WDPCP: variants seen among roughly 807,000 people sequenced by gnomAD.
WDPCP encodes WD repeat-containing and planar cell polarity effector protein fritz homolog.
WDPCP carries 71 observed loss-of-function variants against 93.1 expected under a neutral mutation model. The observed-to-expected ratio is 0.76, with a 90% confidence interval of 0.63 to 0.93. WDPCP has a LOEUF of 0.93. Ranked by LOEUF, WDPCP falls within the 40% of genes least tolerant of loss-of-function variation. The pLI, the probability that WDPCP is intolerant of heterozygous loss-of-function variation, is 0.00. For synonymous variants in WDPCP, 315 were observed against 315.0 expected (o/e 1.00, Z 0.00); for missense variants, 844 against 887.4 (o/e 0.95, Z 0.62).
intron 1 of WDPCP, among the ~76,000 whole-genome samples, chr2:63,498,874 G>T (rs1426015839): frequency 1.3e-5 from 2 of 152,216 alleles, no homozygotes; most frequent in African/African-American, 4.8e-5. Context: ...TAACATGGAG[G>T]TATATGAGCA....
At chr2:63,362,950 CTAT>C (rs1281760318) in intron 12 of WDPCP, among the ~76,000 whole-genome samples, 1 of 152,040 alleles carries the variant, frequency 6.6e-6, no homozygotes, top group African/African-American at 2.4e-5. Flanking sequence ...AATTTTAGTA[CTAT>C]TATTCATTTG....
At chr2:63,354,631 C>A (rs966179191) in intron 12 of WDPCP, among the ~76,000 whole-genome samples, 1 of 152,052 alleles carries the variant, frequency 6.6e-6, no homozygotes, top group African/African-American at 2.4e-5. Flanking sequence ...TACACATACA[C>A]CCACACCCCC....
intron 2 of WDPCP, among the ~76,000 whole-genome samples, chr2:63,666,593 C>G (rs1575742491): frequency 6.6e-6 from 1 of 152,328 alleles, no homozygotes; most frequent in Non-Finnish European, 1.5e-5. Flanking sequence ...AGGCTGCAAA[C>G]AGTTTAGTCC....
chr2:63,691,131 G>A (rs556215888), intron 2 of WDPCP, among the ~76,000 whole-genome samples: 2 of 152,258 alleles, frequency 1.3e-5, no homozygotes, highest in South Asian at 2.1e-4. Flanking sequence ...GGCACCCTTA[G>A]CATCCAGCTT....
At chr2:63,622,418 A>G (rs1203229791) in intron 3 of WDPCP, 39 of 1,613,622 alleles carry the variant, frequency 2.4e-5, no homozygotes, top group Non-Finnish European at 3.3e-5. Flanking sequence ...CTCTGGAGAC[A>G]CCAAATAAGC....
Position 63,368,297 on chromosome 2 carries a change from A to ATTT in WDPCP, c.1748+10088_1748+10089insAAA, listed in dbSNP as rs372647501. On this transcript the variant is annotated intron_variant, in intron 12 of 17. Transcript: ENST00000272321. ...TTTGAGTTCTACTAAGTTTATTTTTAATTTATTTATTTATTTATTTATTTA... is the reference window on the plus strand; with the variant it reads ...TTTGAGTTCTACTAAGTTTATTTTTATTTATTTATTTATTTATTTATTTATTTA... 8.3e-3 allele frequency among the ~76,000 whole-genome samples: 1,214 copies of ATTT among 147,150 alleles called. 10 individuals carry two copies. Among genetic ancestry groups the ATTT allele is most frequent in the Non-Finnish European group, 0.012 (769 of 66,660 alleles).
Position 63,121,992 on chromosome 2 carries a change from T to A in WDPCP, c.*14A>T. ...TTAGATATGAAGAAGGCAGTTTTCT[T>A]TTTTTCTTAATGTTTACACCAGACC... On this transcript the variant is annotated 3_prime_UTR_variant, in exon 18 of 18. Coordinates refer to ENST00000272321, the MANE Select transcript of WDPCP (RefSeq NM_015910.7). 6.2e-7 allele frequency: 1 copy of A among 1,613,072 alleles called. No individual in the cohort carries two copies. Among genetic ancestry groups the A allele is most frequent in the Non-Finnish European group, 8.5e-7 (1 of 1,179,652 alleles).
intron 12 of WDPCP, among the ~76,000 whole-genome samples, chr2:63,328,014 T>G (rs575708929): frequency 1.4e-4 from 22 of 152,252 alleles, no homozygotes; most frequent in African/African-American, 5.3e-4. Context: ...ATCGGCCAAA[T>G]TCCCAACAGC....
intron 14 of WDPCP, among the ~76,000 whole-genome samples, chr2:63,227,390 A>G (rs1047514741): frequency 3.3e-5 from 5 of 152,012 alleles, no homozygotes; most frequent in African/African-American, 7.2e-5. Flanking sequence ...GCTCAAAGCT[A>G]CTTTGCTGCA....
At chr2:63,709,261 G>A (rs1348102516) in intron 2 of WDPCP, among the ~76,000 whole-genome samples, 1 of 151,650 alleles carries the variant, frequency 6.6e-6, no homozygotes, top group Non-Finnish European at 1.5e-5. Context: ...GTTGCAGTGA[G>A]CCAAGATCTT....
chr2:63,350,555 T>C (rs908241638), intron 12 of WDPCP, among the ~76,000 whole-genome samples: 2 of 152,050 alleles, frequency 1.3e-5, no homozygotes, highest in African/African-American at 4.8e-5. Context: ...AGCCAACCCA[T>C]TGTCAGTCCC....
At chr2:63,576,017 A>G (rs189704550) in intron 1 of WDPCP, among the ~76,000 whole-genome samples, 24 of 152,260 alleles carry the variant, frequency 1.6e-4, no homozygotes, top group African/African-American at 5.8e-4. Context: ...TCAATTAGAC[A>G]CAGTATAGAG....
chr2:63,794,047 T>C (rs1670580527), intron 2 of WDPCP, among the ~76,000 whole-genome samples: 1 of 152,164 alleles, frequency 6.6e-6, no homozygotes, highest in Non-Finnish European at 1.5e-5. Flanking sequence ...GTGAAAGATG[T>C]TAGATACTGG....
At chr2:63,765,650 T>G (rs985563197) in intron 2 of WDPCP, among the ~76,000 whole-genome samples, 1 of 152,210 alleles carries the variant, frequency 6.6e-6, no homozygotes, top group African/African-American at 2.4e-5. Flanking sequence ...AGACATGGAT[T>G]CAATCCCTTC....
At chr2:63,736,790 A>G (rs1231575762) in intron 2 of WDPCP, among the ~76,000 whole-genome samples, 1 of 152,204 alleles carries the variant, frequency 6.6e-6, no homozygotes, top group African/African-American at 2.4e-5. Context: ...GATTTTTTAA[A>G]CCTCATATCC....
chr2:63,167,009 T>G (rs1673044492), intron 15 of WDPCP, among the ~76,000 whole-genome samples: 1 of 152,194 alleles, frequency 6.6e-6, no homozygotes, highest in Non-Finnish European at 1.5e-5. Context: ...TCAATTGTTT[T>G]AATTTTTAGC....
chr2:63,547,948 TA>T (rs1258538404), intron 1 of WDPCP, among the ~76,000 whole-genome samples: 1 of 152,100 alleles, frequency 6.6e-6, no homozygotes, highest in Non-Finnish European at 1.5e-5. Flanking sequence ...CAAATATTTC[TA>T]CCATAAAGTT....
chr2:63,319,603 C>G (rs374514705), intron 12 of WDPCP, among the ~76,000 whole-genome samples: 2 of 152,268 alleles, frequency 1.3e-5, no homozygotes, highest in South Asian at 2.1e-4. Context: ...CTCAGCCTCC[C>G]AAGTAGCTGG....
At chr2:63,828,677 G>T (rs894311282), upstream of WDPCP, among the ~76,000 whole-genome samples, 6 of 152,060 alleles carry the variant, frequency 3.9e-5, no homozygotes, top group Admixed American at 2.6e-4. Context: ...CAATCATCAA[G>T]GTTGTATTCA....
Sources: allele counts gnomAD v4.1 joint callset (sites outside exome capture counted in the v4.1 genomes callset), GRCh38; gene constraint gnomAD v4.1.1; transcripts MANE v1.5; gene names NCBI Gene and HGNC (gene_info 2026-07-23, HGNC 2026-07-21).